The following BMP8A variants were observed in gnomAD, a reference collection of about 807,000 sequenced individuals.
The protein encoded by BMP8A is bone morphogenetic protein 8a.
BMP8A carries 14 observed loss-of-function variants against 36.8 expected under a neutral mutation model. The ratio of observed to expected loss-of-function variants is 0.38; its 90% CI spans 0.25 to 0.60. The LOEUF (loss-of-function observed/expected upper bound fraction) is 0.60. BMP8A is among the 20% of genes least tolerant of loss of function. The probability of loss-of-function intolerance (pLI) is 0.63; values close to 1 mark genes in which losing one functional copy is unlikely to be tolerated. For missense variants in BMP8A, 267 were observed against 551.1 expected (o/e 0.48, Z 5.16); for synonymous variants, 120 against 237.7 (o/e 0.50, Z 4.55).
chr1:39,505,374 A>G (rs2124338938), intron 1 of BMP8A, among the ~76,000 whole-genome samples: 1 of 152,318 alleles, frequency 6.6e-6, no homozygotes, highest in African/African-American at 2.4e-5. Context: ...CACATTTTTA[A>G]CAAAACACAT....
chr1:39,523,794 T>TAGA (rs1645454930), intron 6 of BMP8A: 1 of 1,025,788 alleles, frequency 9.7e-7, no homozygotes, highest in Non-Finnish European at 1.3e-6. Context: ...GGCTTCCTTC[T>TAGA]AGAAGTTTTT....
rs1645502610 is a variant in BMP8A at position 39,528,169 on chromosome 1, A to G, written c.*2371A>G. Among the ~76,000 whole-genome samples, 1 of 152,204 alleles carries G rather than the reference A, an allele frequency of 6.6e-6. No individual in the cohort carries two copies. The highest frequency in any genetic ancestry group is 1.5e-5 in the Non-Finnish European group (1 of 68,040). On this transcript the variant is annotated 3_prime_UTR_variant, in exon 7 of 7. Transcript: ENST00000331593. ...GTGCACAGCAGGCCTGAGGATCATG[A>G]TGAGACTCCCTTTTTATGCAGCAAA...
rs374194162 is a variant in BMP8A at position 39,525,709 on chromosome 1, G to A, written c.1120G>A (p.Ala374Thr). The A allele has an allele frequency of 3.7e-5, 60 of 1,614,156 alleles. No homozygotes were observed. The Middle Eastern group carries it at 4.9e-4, about 13-fold the overall frequency. The change falls in exon 7 of 7, where the codon GCC becomes ACC. Residue 374 changes from alanine to threonine, a missense_variant. Ala to Thr is a moderately conservative substitution (Grantham distance 58, BLOSUM62 0). Around this residue, in one of 7 missense-constraint regions of BMP8A, gnomAD observed 132 missense variants for 151.3 expected, o/e 0.87. Transcript: ENST00000331593. ...GTGCTGTGCACCCACCAAGCTGAGC[G>A]CCACCTCTGTGCTCTACTATGACAG... The part of the protein sequence containing the change: ...KACCAPTKLS[A>T]TSVLYYDSSN...
At chr1:39,497,330 G>A (rs1308758317) in intron 1 of BMP8A, among the ~76,000 whole-genome samples, 2 of 152,262 alleles carry the variant, frequency 1.3e-5, no homozygotes, top group Middle Eastern at 3.4e-3. Context: ...CACCTTTGAG[G>A]CAAGGTAAGT....
At chr1:39,495,263 C>T (rs1409084165) in intron 1 of BMP8A, among the ~76,000 whole-genome samples, 3 of 152,246 alleles carry the variant, frequency 2.0e-5, no homozygotes, top group Non-Finnish European at 4.4e-5. Flanking sequence ...CTGTGGGACC[C>T]AGAGGGCGGG....
At chr1:39,498,359 T>C (rs1258591634) in intron 1 of BMP8A, among the ~76,000 whole-genome samples, 1 of 152,204 alleles carries the variant, frequency 6.6e-6, no homozygotes, top group Non-Finnish European at 1.5e-5. Context: ...AGTTCATTCT[T>C]TCCCGGGATT....
At chr1:39,497,070 A>C (rs182260340) in intron 1 of BMP8A, among the ~76,000 whole-genome samples, 1 of 152,222 alleles carries the variant, frequency 6.6e-6, no homozygotes, top group Admixed American at 6.5e-5. Flanking sequence ...TTGACTCAGC[A>C]TGCTTCTTTT....
chr1:39,507,124 A>G (rs548078204), intron 1 of BMP8A, among the ~76,000 whole-genome samples: 7 of 152,306 alleles, frequency 4.6e-5, no homozygotes, highest in African/African-American at 1.7e-4. Context: ...CCAAACATCA[A>G]TGGCTCCTTT....
intron 1 of BMP8A, among the ~76,000 whole-genome samples, chr1:39,494,447 C>T (rs1232222535): frequency 6.6e-6 from 1 of 151,172 alleles, no homozygotes; most frequent in Non-Finnish European, 1.5e-5. Context: ...AATTCCCGGG[C>T]TCCAGCAATC....
Position 39,525,802 on chromosome 1 carries a change from A to AGCCC in BMP8A, c.*9_*12dup. Reference sequence around the variant, plus strand: ...CAAGGCCTGCGGCTGCCACTGAGTCAGCCCGCCCAGCCCTACTGCAGCCAC... The same window carrying AGCCC: ...CAAGGCCTGCGGCTGCCACTGAGTCAGCCCGCCCGCCCAGCCCTACTGCAGCCAC... On this transcript the variant is annotated 3_prime_UTR_variant, in exon 7 of 7. Coordinates refer to ENST00000331593, the MANE Select transcript of BMP8A (RefSeq NM_181809.4). 1 of 1,613,722 alleles carries AGCCC rather than the reference A, an allele frequency of 6.2e-7. No homozygotes were observed. Among genetic ancestry groups the AGCCC allele is most frequent in the Non-Finnish European group, 8.5e-7 (1 of 1,179,946 alleles).
At chr1:39,517,430 C>T (rs1645402044) in intron 3 of BMP8A, among the ~76,000 whole-genome samples, 1 of 151,930 alleles carries the variant, frequency 6.6e-6, no homozygotes, top group Non-Finnish European at 1.5e-5. Flanking sequence ...ATTCTCATGT[C>T]TCAGCCTCTC....
chr1:39,492,138 G>A lies in BMP8A; in HGVS notation c.147G>A (p.Leu49=), dbSNP rs1300402042. ...RERRDVQREI[L]AVLGLPGRPR... ...GCCGGGACGTGCAGCGCGAGATCCT[G>A]GCGGTGCTCGGGCTACCCGGGCGGC... is the stretch of plus-strand genomic sequence containing the variant. Residue 49 remains leucine (L), a synonymous_variant, in exon 1 of 7, where the codon CTG becomes CTA. Transcript: ENST00000331593. The A allele has an allele frequency of 8.0e-7, 1 of 1,254,148 alleles. No individual in the cohort carries two copies. Among genetic ancestry groups the A allele is most frequent in the Non-Finnish European group, 1.0e-6 (1 of 1,004,026 alleles). 77.7% of individuals were successfully genotyped at this position (1,254,148 alleles called of 1,614,324 possible). A position where few individuals can be genotyped will look rare whatever the true frequency, so the allele number is the denominator to read the frequency against.
intron 3 of BMP8A, among the ~76,000 whole-genome samples, chr1:39,514,050 C>CA (rs1273242245): frequency 6.7e-6 from 1 of 148,502 alleles, no homozygotes; most frequent in African/African-American, 2.5e-5. Context: ...GTTTTGCCAT[C>CA]ACAGAGGTTG....
rs190308777 is a variant in BMP8A, at chr1:39,525,404, C to T, written c.1060-245C>T. Among the ~76,000 whole-genome samples the T allele has an allele frequency of 6.9e-4, 105 of 152,278 alleles. No homozygotes were observed. The East Asian group carries it at 0.018, about 26-fold the overall frequency. On this transcript the variant is annotated intron_variant, in intron 6 of 6. Transcript: ENST00000331593. ...CTCGAGGCCCCTCATTAGTGCCCTG[C>T]CCACCTGCCCCACACCCTGGGGCTG...
rs1645452541 is a variant in BMP8A, at chr1:39,523,617, C to G, written c.1059+500C>G. ...GATGGTGTGGCTCTCAACCTTTTGG[C>G]TTTTTCCCGCAGTTTCTCTCTTGGC... On this transcript the variant is annotated intron_variant, in intron 6 of 6. Coordinates refer to ENST00000331593, the MANE Select transcript of BMP8A (RefSeq NM_181809.4). 6.2e-6 allele frequency: 9 copies of G among 1,441,206 alleles called. No individual in the cohort carries two copies. The East Asian group carries it at 1.6e-4, about 26-fold the overall frequency. 89.3% of individuals were successfully genotyped at this position (1,441,206 alleles called of 1,614,324 possible).
intron 1 of BMP8A, among the ~76,000 whole-genome samples, chr1:39,493,124 C>G (rs573168488): frequency 6.6e-6 from 1 of 152,204 alleles, no homozygotes; most frequent in Non-Finnish European, 1.5e-5. Context: ...GGTCAGGTCC[C>G]CCGTCTGCTT....
At chr1:39,498,962 C>T (rs1385120957) in intron 1 of BMP8A, among the ~76,000 whole-genome samples, 5 of 152,236 alleles carry the variant, frequency 3.3e-5, no homozygotes, top group Admixed American at 6.5e-5. Context: ...GACACTGAGC[C>T]GCTGTCCTGG....
chr1:39,498,258 G>A (rs189267803), intron 1 of BMP8A, among the ~76,000 whole-genome samples: 6 of 152,316 alleles, frequency 3.9e-5, no homozygotes, highest in African/African-American at 1.2e-4. Context: ...AGGGTGGGGA[G>A]GTGCACCCAG....
At chr1:39,513,726 G>A (rs1156598177) in intron 3 of BMP8A, among the ~76,000 whole-genome samples, 1 of 151,884 alleles carries the variant, frequency 6.6e-6, no homozygotes, top group Non-Finnish European at 1.5e-5. Context: ...AGGGACCGGT[G>A]AGCGTGAAGA....
Sources: allele counts gnomAD v4.1 joint callset (sites outside exome capture counted in the v4.1 genomes callset), GRCh38; gene constraint gnomAD v4.1.1; regional missense constraint gnomAD v4.1.1; transcripts MANE v1.5; gene names NCBI Gene and HGNC (gene_info 2026-07-23, HGNC 2026-07-21).